The following PRKCE variants were observed in gnomAD, a reference collection of about 807,000 sequenced individuals.
PRKCE encodes protein kinase C epsilon type.
Under a neutral mutation model 85.4 loss-of-function variants are expected in PRKCE, and 16 were observed. The observed-to-expected ratio is 0.19, with a 90% confidence interval of 0.13 to 0.28. The LOEUF is 0.28. Among genes scored for constraint, PRKCE ranks in the 10% least tolerant of loss-of-function variants. The probability of loss-of-function intolerance (pLI) is 1.00; values close to 1 mark genes in which losing one functional copy is unlikely to be tolerated. For synonymous variants in PRKCE, 388 were observed against 371.5 expected, an observed-to-expected ratio of 1.04 and a Z score of -0.51; for missense variants, 573 against 975.2, an observed-to-expected ratio of 0.59 and a Z score of 5.49.
At chr2:45,992,619 G>A (rs1172011776) in intron 6 of PRKCE, among the ~76,000 whole-genome samples, 5 of 152,088 alleles carry the variant, frequency 3.3e-5, no homozygotes, top group Admixed American at 2.0e-4. Flanking sequence ...CACCCTCAAG[G>A]GCCAAATTAC....
At chr2:46,019,847 C>CTTTTTTTTTTTT (rs869079304) in intron 10 of PRKCE, among the ~76,000 whole-genome samples, 1 of 105,914 alleles carries the variant, frequency 9.4e-6, no homozygotes, top group African/African-American at 3.9e-5. Flanking sequence ...TTGGTTTTCT[C>CTTTTTTTTTTTT]TTTTTTTTTT....
Position 46,167,132 on chromosome 2 carries a change from C to T in PRKCE, c.2067+7380C>T, listed in dbSNP as rs540432752. On this transcript the variant is annotated intron_variant, in intron 14 of 14. Transcript: ENST00000306156. ...CTTCTCATCCCCAAACTCCAAGAAT[C>T]AAGAGTTAAGAATTGCAGGAGGTTG... 1.2e-4 allele frequency among the ~76,000 whole-genome samples: 19 copies of T among 152,300 alleles called. No individual in the cohort carries two copies. In the South Asian group the frequency reaches 3.9e-3, roughly 32 times the overall value.
intron 1 of PRKCE, among the ~76,000 whole-genome samples, chr2:45,681,434 G>A (rs1261718760): frequency 6.6e-6 from 1 of 151,456 alleles, no homozygotes; most frequent in African/African-American, 2.4e-5. Context: ...TCACCATTTG[G>A]AAAATGGTCC....
At chr2:45,886,960 G>T (rs999238442) in intron 2 of PRKCE, among the ~76,000 whole-genome samples, 1 of 152,188 alleles carries the variant, frequency 6.6e-6, no homozygotes, top group African/African-American at 2.4e-5. Flanking sequence ...GTGTGAGGTG[G>T]ACGATGTCAC....
At chr2:46,014,940 C>G (rs1290998430) in intron 10 of PRKCE, among the ~76,000 whole-genome samples, 1 of 152,148 alleles carries the variant, frequency 6.6e-6, no homozygotes, top group Non-Finnish European at 1.5e-5. Context: ...CCTACTTCTT[C>G]CAAGGAAATG....
intron 11 of PRKCE, among the ~76,000 whole-genome samples, chr2:46,130,883 C>T (rs1031645654): frequency 4.6e-5 from 7 of 152,328 alleles, no homozygotes; most frequent in Non-Finnish European, 7.3e-5. Context: ...ACTTCGTGTG[C>T]GCACCCTTGT....
chr2:46,144,216 CTCTGTGGG>C (rs1675842931), intron 11 of PRKCE, among the ~76,000 whole-genome samples: 2 of 152,188 alleles, frequency 1.3e-5, no homozygotes, highest in African/African-American at 4.8e-5. Flanking sequence ...ACCACGTGGG[CTCTGTGGG>C]TCCAGGTGAT....
intron 1 of PRKCE, among the ~76,000 whole-genome samples, chr2:45,767,257 T>C (rs550644620): frequency 1.3e-5 from 2 of 152,102 alleles, no homozygotes; most frequent in South Asian, 2.1e-4. Context: ...ACTTAATACA[T>C]TGATGTTCTT....
intron 11 of PRKCE, among the ~76,000 whole-genome samples, chr2:46,140,949 G>A (rs1373421508): frequency 6.6e-6 from 1 of 152,032 alleles, no homozygotes; most frequent in African/African-American, 2.4e-5. Context: ...ATAATATAAT[G>A]AGATACTGTT....
chr2:46,100,900 G>A (rs1010397468), intron 11 of PRKCE, among the ~76,000 whole-genome samples: 5 of 151,130 alleles, frequency 3.3e-5, no homozygotes, highest in East Asian at 3.9e-4. Flanking sequence ...ATGGGATCTC[G>A]CTCTGTCACC....
At chr2:45,832,676 C>T (rs759716315) in intron 1 of PRKCE, among the ~76,000 whole-genome samples, 6 of 152,138 alleles carry the variant, frequency 3.9e-5, no homozygotes, top group Non-Finnish European at 7.3e-5. Context: ...GTTCTTTCTA[C>T]AGATCTCCCA....
chr2:45,780,391 G>C, intron 1 of PRKCE, among the ~76,000 whole-genome samples: 1 of 152,146 alleles, frequency 6.6e-6, no homozygotes, highest in East Asian at 1.9e-4. Context: ...TTCCCATGGT[G>C]TCTTTTAACC....
chr2:45,809,785 C>A (rs1688522831), intron 1 of PRKCE, among the ~76,000 whole-genome samples: 2 of 150,788 alleles, frequency 1.3e-5, no homozygotes, highest in East Asian at 2.0e-4. Flanking sequence ...GAGCCTGAGG[C>A]AGGAGGATTG....
At chr2:45,810,272 C>G (rs932302416) in intron 1 of PRKCE, among the ~76,000 whole-genome samples, 1 of 152,104 alleles carries the variant, frequency 6.6e-6, no homozygotes, top group South Asian at 2.1e-4. Flanking sequence ...AACTCCTGAC[C>G]TCAGGTGATC....
At chr2:45,773,332 G>C (rs1685491801) in intron 1 of PRKCE, among the ~76,000 whole-genome samples, 1 of 152,178 alleles carries the variant, frequency 6.6e-6, no homozygotes, top group Admixed American at 6.5e-5. Context: ...ATTGAGTGGA[G>C]ATGATGATGG....
At chr2:45,758,832 G>A (rs1365206664) in intron 1 of PRKCE, among the ~76,000 whole-genome samples, 5 of 152,194 alleles carry the variant, frequency 3.3e-5, no homozygotes, top group African/African-American at 1.2e-4. Flanking sequence ...CTGTGTCTTA[G>A]GGGTGAATCA....
chr2:45,976,987 C>G (rs1702506637), intron 3 of PRKCE, among the ~76,000 whole-genome samples: 1 of 151,790 alleles, frequency 6.6e-6, no homozygotes, highest in Non-Finnish European at 1.5e-5. Flanking sequence ...ACCTCTGTCT[C>G]CCAGGTTCAA....
intron 10 of PRKCE, among the ~76,000 whole-genome samples, chr2:46,021,987 C>T (rs1706709558): frequency 6.6e-6 from 1 of 152,066 alleles, no homozygotes; most frequent in African/African-American, 2.4e-5. Context: ...CCCCATATAA[C>T]CCGAACTTTT....
chr2:45,681,060 G>T (rs1358561423), intron 1 of PRKCE, among the ~76,000 whole-genome samples: 1 of 152,108 alleles, frequency 6.6e-6, no homozygotes, highest in Admixed American at 6.5e-5. Flanking sequence ...GGAGGCCGAG[G>T]TGGGTGGATC....
Sources: allele counts gnomAD v4.1 joint callset (sites outside exome capture counted in the v4.1 genomes callset), GRCh38; gene constraint gnomAD v4.1.1; transcripts MANE v1.5; gene names NCBI Gene and HGNC (gene_info 2026-07-23, HGNC 2026-07-21).